The following COMMD6 variants were observed in gnomAD, a reference collection of about 807,000 sequenced individuals.
COMMD6 encodes COMM domain containing 6.
COMMD6 carries 11 observed loss-of-function variants against 13.4 expected under a neutral mutation model. The ratio of observed to expected loss-of-function variants is 0.82; its 90% CI spans 0.52 to 1.36. The LOEUF is 1.36. COMMD6 is among the 40% of genes most tolerant of loss of function. COMMD6 has a pLI of 0.00. For synonymous variants in COMMD6, 43 were observed against 36.5 expected, an observed-to-expected ratio of 1.18 and a Z score of -0.64; for missense variants, 124 against 102.4, an observed-to-expected ratio of 1.21 and a Z score of -0.91.
At chr13:75,532,596 C>T (rs139172655) in intron 2 of COMMD6, among the ~76,000 whole-genome samples, 135 of 152,102 alleles carry the variant, frequency 8.9e-4, no homozygotes, top group African/African-American at 3.1e-3. Context: ...CTTTGGGAGG[C>T]CGAGGTGGGC....
intron 1 of COMMD6, among the ~76,000 whole-genome samples, chr13:75,545,480 T>C (rs899708977): frequency 2.6e-5 from 4 of 152,096 alleles, no homozygotes; most frequent in African/African-American, 9.7e-5. Flanking sequence ...TCTCTTTTTT[T>C]TTTTGAGATG....
chr13:75,537,418 AG>A (rs1317815648), intron 2 of COMMD6: 1 of 1,551,146 alleles, frequency 6.4e-7, no homozygotes, highest in Non-Finnish European at 8.7e-7. Context: ...GCCTAATCAA[AG>A]CCCAACAATC....
chr13:75,535,015 T>G (rs1347752676), intron 2 of COMMD6, among the ~76,000 whole-genome samples: 1 of 152,216 alleles, frequency 6.6e-6, no homozygotes, highest in Non-Finnish European at 1.5e-5. Flanking sequence ...AATGGTAGTA[T>G]TATAGCGTGA....
chr13:75,534,438 C>T (rs1385770580), intron 2 of COMMD6, among the ~76,000 whole-genome samples: 1 of 152,128 alleles, frequency 6.6e-6, no homozygotes, highest in African/African-American at 2.4e-5. Context: ...AAAATTCTAA[C>T]CTCAACAGTT....
chr13:75,544,240 G>A (rs922084954), intron 1 of COMMD6, among the ~76,000 whole-genome samples: 9 of 152,098 alleles, frequency 5.9e-5, no homozygotes, highest in South Asian at 4.1e-4. Flanking sequence ...AAAATTTTTA[G>A]CCTTTAGGCC....
At chr13:75,543,638 A>G (rs2030858915), upstream of COMMD6, among the ~76,000 whole-genome samples, 1 of 152,228 alleles carries the variant, frequency 6.6e-6, no homozygotes, top group African/African-American at 2.4e-5. Flanking sequence ...GCTGTGTGAT[A>G]TCATTCAAGT....
At chr13:75,530,691 C>A (rs1298046458) in intron 2 of COMMD6, among the ~76,000 whole-genome samples, 3 of 152,124 alleles carry the variant, frequency 2.0e-5, no homozygotes, top group African/African-American at 7.2e-5. Context: ...CAGATACATA[C>A]CCTGGGTGAT....
intron 1 of COMMD6, among the ~76,000 whole-genome samples, chr13:75,544,493 G>A (rs2030871980): frequency 6.6e-6 from 1 of 152,116 alleles, no homozygotes; most frequent in Non-Finnish European, 1.5e-5. Context: ...CAGGCATGGT[G>A]GCTCACATGG....
intron 2 of COMMD6, among the ~76,000 whole-genome samples, chr13:75,536,761 ATT>A (rs1457413914): frequency 6.6e-6 from 1 of 152,208 alleles, no homozygotes; most frequent in Non-Finnish European, 1.5e-5. Flanking sequence ...AAGATAATAA[ATT>A]TGTGTTTAAG....
At chr13:75,543,449 C>T (rs1487078254), upstream of COMMD6, among the ~76,000 whole-genome samples, 1 of 152,154 alleles carries the variant, frequency 6.6e-6, no homozygotes, top group Admixed American at 6.5e-5. Context: ...CCCAGTGAGC[C>T]CCATTTCAGA....
chr13:75,542,792 G>C (rs1283781425), upstream of COMMD6, among the ~76,000 whole-genome samples: 1 of 152,212 alleles, frequency 6.6e-6, no homozygotes, highest in Non-Finnish European at 1.5e-5. Flanking sequence ...GACAGAGAGG[G>C]AGTGTTAGAG....
chr13:75,548,703 G>A (rs2030960800), intron 1 of COMMD6, among the ~76,000 whole-genome samples: 1 of 151,976 alleles, frequency 6.6e-6, no homozygotes, highest in Non-Finnish European at 1.5e-5. Flanking sequence ...GATGTTTACC[G>A]AGCATTTTCT....
At chr13:75,547,632 T>C (rs1218360363) in intron 1 of COMMD6, among the ~76,000 whole-genome samples, 1 of 152,210 alleles carries the variant, frequency 6.6e-6, no homozygotes, top group Admixed American at 6.5e-5. Flanking sequence ...CCATGATAGG[T>C]ACATCCATAC....
chr13:75,529,991 C>T (rs1426929703), intron 3 of COMMD6, 123 bp downstream of exon 3: 13 of 721,444 alleles, frequency 1.8e-5, no homozygotes, highest in South Asian at 7.3e-5. Flanking sequence ...TACTAGTAAA[C>T]GTAAAGCATA....
intron 3 of COMMD6, 77 bp from the exon 4 acceptor site, chr13:75,526,716 T>A (rs2030277119): frequency 7.5e-6 from 7 of 935,890 alleles, no homozygotes; most frequent in Non-Finnish European, 1.0e-5. Context: ...TATATCTGAC[T>A]ACCGGAGACT....
upstream of COMMD6, chr13:75,538,023 G>T (rs529485624): frequency 1.0e-4 from 48 of 462,538 alleles, 1 homozygote; most frequent in South Asian, 2.2e-3. Flanking sequence ...AAAGGCCAAA[G>T]ATTTGGGAGA....
intron 2 of COMMD6, among the ~76,000 whole-genome samples, chr13:75,535,327 G>C (rs952702237): frequency 6.6e-6 from 1 of 152,216 alleles, no homozygotes; most frequent in African/African-American, 2.4e-5. Context: ...AGTGTGACAA[G>C]AATCTCTTAA....
intron 2 of COMMD6, among the ~76,000 whole-genome samples, chr13:75,532,147 A>T (rs1366954353): frequency 6.6e-6 from 1 of 152,224 alleles, no homozygotes; most frequent in Non-Finnish European, 1.5e-5. Flanking sequence ...GCATTGATTG[A>T]AGAGGAGCAT....
Position 75,526,373 on chromosome 13 carries a change from G to A in COMMD6, c.*216C>T. The A allele has an allele frequency of 4.3e-6, 2 of 466,694 alleles. No homozygotes were observed. Among genetic ancestry groups the A allele is most frequent in the Non-Finnish European group, 7.6e-6 (2 of 262,464 alleles). 28.9% of individuals were successfully genotyped at this position (466,694 alleles called of 1,614,324 possible). A position where few individuals can be genotyped will look rare whatever the true frequency, so the allele number is the denominator to read the frequency against. On this transcript the variant is annotated 3_prime_UTR_variant, in exon 4 of 4. Transcript: ENST00000682242. ...ATTATCACCAAGTATATCCTCTAAA[G>A]TGTCTAATTATCACTTTTATAAAGC...
Sources: gnomAD v4.1 joint callset for allele counts (sites outside exome capture counted in the v4.1 genomes callset) on GRCh38, gnomAD v4.1.1 for gene constraint, MANE v1.5 for transcripts, NCBI Gene and HGNC (gene_info 2026-07-23, HGNC 2026-07-21) for gene names.